AVEN: variants seen among roughly 807,000 people sequenced by gnomAD.
AVEN encodes the protein cell death regulator Aven.
A neutral mutation model predicts 38.1 loss-of-function variants in AVEN; 41 were observed. That is an observed-to-expected ratio of 1.08 (90% CI 0.84 to 1.40). AVEN has a LOEUF of 1.40. AVEN is among the 40% of genes most tolerant of loss of function. The pLI, the probability that AVEN is intolerant of heterozygous loss-of-function variation, is 0.00. For missense variants in AVEN, 605 were observed against 438.8 expected, an observed-to-expected ratio of 1.38 and a Z score of -3.38; for synonymous variants, 206 against 171.8, an observed-to-expected ratio of 1.20 and a Z score of -1.56.
At chr15:33,951,541 C>T (rs561282420) in intron 2 of AVEN, among the ~76,000 whole-genome samples, 1 of 150,368 alleles carries the variant, frequency 6.7e-6, no homozygotes, top group Non-Finnish European at 1.5e-5. Context: ...TGCACATGTA[C>T]CCTAGAACTT....
chr15:33,871,723 G>C lies in AVEN; in HGVS notation c.517-693C>G, dbSNP rs182293582. ...AGAAGAGGAAAGGGCTATTTAGGCA[G>C]TGAGAAGGGACTGACAGGTGTTGCG... On this transcript the variant is annotated intron_variant, in intron 3 of 5. Coordinates refer to ENST00000306730, the MANE Select transcript of AVEN (RefSeq NM_020371.3). 8.8e-5 allele frequency among the ~76,000 whole-genome samples: 13 copies of C among 147,994 alleles called. No homozygotes were observed. The East Asian group carries it at 2.7e-3, about 31-fold the overall frequency.
At chr15:33,986,706 G>C (rs1378238675) in intron 2 of AVEN, among the ~76,000 whole-genome samples, 1 of 151,970 alleles carries the variant, frequency 6.6e-6, no homozygotes, top group Non-Finnish European at 1.5e-5. Flanking sequence ...ACCTAGGCTT[G>C]AATGCAGTGG....
downstream of AVEN, chr15:33,854,252 G>C: frequency 3.0e-6 from 2 of 675,022 alleles, no homozygotes; most frequent in Non-Finnish European, 5.1e-6. Context: ...CTCATGGGGA[G>C]CACATACAAC....
intron 2 of AVEN, among the ~76,000 whole-genome samples, chr15:33,890,419 G>C (rs1015896142): frequency 6.6e-6 from 1 of 152,136 alleles, no homozygotes; most frequent in African/African-American, 2.4e-5. Context: ...AAGAATAAAT[G>C]AGCAAACGAA....
chr15:33,906,379 G>C (rs142983847), intron 2 of AVEN, among the ~76,000 whole-genome samples: 2 of 152,278 alleles, frequency 1.3e-5, no homozygotes, highest in African/African-American at 4.8e-5. Flanking sequence ...AATACTGAAT[G>C]ATATGCCACT....
intron 2 of AVEN, among the ~76,000 whole-genome samples, chr15:33,954,705 C>T (rs12902206): frequency 0.97 from 146,553 of 151,648 alleles, 70,949 homozygotes; most frequent in Non-Finnish European, 1. Flanking sequence ...CTAATGTAAA[C>T]GACGAGTTAA....
downstream of AVEN, among the ~76,000 whole-genome samples, chr15:33,863,193 G>C (rs1027004414): frequency 3.3e-5 from 5 of 152,116 alleles, no homozygotes; most frequent in African/African-American, 1.2e-4. Flanking sequence ...ATTCGTGTTT[G>C]AGCCTCCCAC....
chr15:34,036,481 T>C (rs1472572200), intron 1 of AVEN, among the ~76,000 whole-genome samples: 1 of 152,144 alleles, frequency 6.6e-6, no homozygotes, highest in Non-Finnish European at 1.5e-5. Context: ...GGGGCACAAA[T>C]GCACCATGGG....
chr15:33,945,479 C>T (rs1011833645), intron 2 of AVEN, among the ~76,000 whole-genome samples: 7 of 152,168 alleles, frequency 4.6e-5, no homozygotes, highest in Non-Finnish European at 7.4e-5. Context: ...TTATAGTACT[C>T]CCCTGCTTAA....
chr15:34,021,977 T>C (rs535994581), intron 1 of AVEN, among the ~76,000 whole-genome samples: 10 of 152,200 alleles, frequency 6.6e-5, no homozygotes, highest in Non-Finnish European at 1.3e-4. Context: ...AGAAAGCAAA[T>C]GACAACTACT....
chr15:34,030,655 G>A (rs1363684507), intron 1 of AVEN, among the ~76,000 whole-genome samples: 1 of 151,896 alleles, frequency 6.6e-6, no homozygotes, highest in African/African-American at 2.4e-5. Context: ...TTGAGAAAGA[G>A]TCTCGGGCTG....
At chr15:33,874,212 T>C (rs1297679385) in intron 3 of AVEN, among the ~76,000 whole-genome samples, 5 of 152,196 alleles carry the variant, frequency 3.3e-5, no homozygotes, top group South Asian at 2.1e-4. Flanking sequence ...ATTTAGTCCT[T>C]CTTATAACTC....
chr15:33,904,682 TAAAAAAA>T (rs77784482), intron 2 of AVEN, among the ~76,000 whole-genome samples: 1 of 133,796 alleles, frequency 7.5e-6, no homozygotes, highest in Non-Finnish European at 1.5e-5. Context: ...ACTGTTTCTT[TAAAAAAA>T]AAAAAATATA....
chr15:34,015,459 G>A (rs1028737707), intron 1 of AVEN, among the ~76,000 whole-genome samples: 3 of 151,904 alleles, frequency 2.0e-5, no homozygotes, highest in Non-Finnish European at 4.4e-5. Flanking sequence ...TCCAGCCTGG[G>A]TGACAGAGCG....
chr15:33,864,162 T>C (rs757023207), downstream of AVEN: 28 of 1,612,216 alleles, frequency 1.7e-5, no homozygotes, highest in East Asian at 5.3e-4. Context: ...ATTTGATTAA[T>C]AAAGATGAAA....
intron 1 of AVEN, among the ~76,000 whole-genome samples, chr15:34,005,561 CTGAACAAACATAAGCACTATATATAA>C (rs1378479281): frequency 6.6e-6 from 1 of 152,158 alleles, no homozygotes; most frequent in Admixed American, 6.5e-5. Context: ...CATAAGATGG[CTGAACAAACATAAGCACTATATATAA>C]TAACTAAGAT....
In AVEN at chr15:33,912,392, C is replaced by A. The variant is rs539644546; in HGVS notation, c.446-36397G>T. 2.6e-5 allele frequency among the ~76,000 whole-genome samples: 4 copies of A among 152,214 alleles called. No individual in the cohort carries two copies. In the South Asian group the frequency reaches 8.3e-4, roughly 32 times the overall value. ...GAACATTTAAACATGGAGACAAGTT[C>A]TAAGAGGAAAGAGTATGAAATAACC... On this transcript the variant is annotated intron_variant, in intron 2 of 5. Coordinates refer to ENST00000306730, the MANE Select transcript of AVEN (RefSeq NM_020371.3).
intron 11 of AVEN, chr15:33,859,764 GGTT>G: frequency 1.3e-6 from 2 of 1,574,180 alleles, no homozygotes; most frequent in Non-Finnish European, 1.7e-6. Context: ...GTATGAACAG[GGTT>G]TAATCTAGTT....
intron 2 of AVEN, among the ~76,000 whole-genome samples, chr15:33,911,153 C>T (rs1458182622): frequency 6.6e-6 from 1 of 152,158 alleles, no homozygotes; most frequent in East Asian, 1.9e-4. Flanking sequence ...TCCAGCACCA[C>T]CACCTCTTCT....
Sources: gnomAD v4.1 joint callset for allele counts (sites outside exome capture counted in the v4.1 genomes callset) on GRCh38, gnomAD v4.1.1 for gene constraint, MANE v1.5 for transcripts, NCBI Gene and HGNC (gene_info 2026-07-23, HGNC 2026-07-21) for gene names.